The following PHLDB2 variants were observed in gnomAD, a reference collection of about 807,000 sequenced individuals.
PHLDB2 encodes pleckstrin homology-like domain family B member 2.
A neutral mutation model predicts 123.6 loss-of-function variants in PHLDB2; 71 were observed. The observed-to-expected ratio is 0.57, with a 90% CI of 0.47 to 0.70. The LOEUF is 0.70. Ranked by LOEUF, PHLDB2 falls within the 30% of genes least tolerant of loss-of-function variation. The pLI is 0.00. For missense variants in PHLDB2, 1,446 were observed against 1,519.5 expected (o/e 0.95, Z 0.80); for synonymous variants, 547 against 541.6 (o/e 1.01, Z -0.14).
intron 1 of PHLDB2, among the ~76,000 whole-genome samples, chr3:111,819,112 T>G (rs1414554732): frequency 1.3e-5 from 2 of 152,150 alleles, no homozygotes; most frequent in Non-Finnish European, 2.9e-5. Flanking sequence ...TCAGAGAGAA[T>G]GTGTGTGCAA....
chr3:111,884,427 C>G lies in PHLDB2; in HGVS notation c.350C>G (p.Ser117Cys), dbSNP rs374024771. 1.2e-6 allele frequency: 2 copies of G among 1,614,076 alleles called. No individual in the cohort carries two copies. Among genetic ancestry groups the G allele is most frequent in the Non-Finnish European group, 1.7e-6 (2 of 1,180,040 alleles). The change falls in exon 2 of 18, where the codon TCC (serine) becomes TGC (cysteine). Residue 117 changes from serine (S) to cysteine (C), a missense_variant. Ser to Cys is a moderately radical substitution (Grantham distance 112). This residue lies in a region of PHLDB2 where 832 missense variants were observed against 831.9 expected (regional missense o/e 1.00). Coordinates refer to ENST00000431670, the MANE Select transcript of PHLDB2 (RefSeq NM_001134438.2). The stretch of plus-strand genomic sequence containing the variant: ...ACTCCTTTACTCAACACTACATCCT[C>G]CCTCAGTGGATATCCACTTGGAAGA... ...PPTPLLNTTSSLSGYPLGRAD... is the reference protein window; with the variant it reads ...PPTPLLNTTSCLSGYPLGRAD...
intron 1 of PHLDB2, among the ~76,000 whole-genome samples, chr3:111,797,927 T>A (rs2061230481): frequency 6.6e-6 from 1 of 151,998 alleles, no homozygotes; most frequent in Non-Finnish European, 1.5e-5. Context: ...AGCCCATGAG[T>A]TTGAGGCCAG....
At chr3:111,959,734 A>AAAC (rs1169677973) in intron 12 of PHLDB2, among the ~76,000 whole-genome samples, 1 of 152,236 alleles carries the variant, frequency 6.6e-6, no homozygotes, top group Non-Finnish European at 1.5e-5. Flanking sequence ...AGTAGCCGAA[A>AAAC]AACAACAACA....
chr3:111,843,930 GACAAAAAC>G (rs2063812606), intron 1 of PHLDB2, among the ~76,000 whole-genome samples: 1 of 152,058 alleles, frequency 6.6e-6, no homozygotes, highest in Non-Finnish European at 1.5e-5. Flanking sequence ...GTTCTTCATA[GACAAAAAC>G]AATGTATGTA....
chr3:111,921,984 T>C (rs2107534997), intron 5 of PHLDB2, among the ~76,000 whole-genome samples: 1 of 152,352 alleles, frequency 6.6e-6, no homozygotes, highest in African/African-American at 2.4e-5. Flanking sequence ...TGTCTAAGTC[T>C]GCAGTACTGA....
chr3:111,949,169 A>C (rs989601507), intron 10 of PHLDB2, 94 bp downstream of exon 10: 1 of 1,412,752 alleles, frequency 7.1e-7, no homozygotes, highest in Non-Finnish European at 9.7e-7. Context: ...GAGAACGTGC[A>C]TGACAAATGT....
intron 7 of PHLDB2, 109 bp downstream of exon 7, chr3:111,939,739 G>A: frequency 8.8e-7 from 1 of 1,141,196 alleles, no homozygotes; most frequent in Non-Finnish European, 1.2e-6. Context: ...TACGTAGTCT[G>A]CCATGTATGT....
At chr3:111,810,821 C>T (rs1211444563) in intron 1 of PHLDB2, among the ~76,000 whole-genome samples, 1 of 151,792 alleles carries the variant, frequency 6.6e-6, no homozygotes, top group Non-Finnish European at 1.5e-5. Flanking sequence ...ATCCTTTGTC[C>T]AAAATAAATT....
rs762238982 is a variant in PHLDB2 at position 111,973,823 on chromosome 3, C to T, written c.3621+6C>T. Reference sequence around the variant, plus strand: ...ACCTCAAGAATGCTAATAAGGTAAACATCAGTTTTCTAAATTCCTACAATT... The same window carrying T: ...ACCTCAAGAATGCTAATAAGGTAAATATCAGTTTTCTAAATTCCTACAATT... On this transcript the variant is annotated splice_donor_region_variant and intron_variant, in intron 17 of 17. Coordinates refer to ENST00000431670, the MANE Select transcript of PHLDB2 (RefSeq NM_001134438.2). 2.6e-6 allele frequency: 4 copies of T among 1,521,116 alleles called. No homozygotes were observed. The highest frequency in any genetic ancestry group is 1.7e-4 in the Middle Eastern group (1 of 5,824). The allele number at this position is 1,521,116 out of a possible 1,614,324, so 94.2% of individuals were successfully genotyped here. A position where few individuals can be genotyped will look rare whatever the true frequency, so the allele number is the denominator to read the frequency against.
At chr3:111,878,219 T>C (rs2065744695) in intron 1 of PHLDB2, among the ~76,000 whole-genome samples, 1 of 152,240 alleles carries the variant, frequency 6.6e-6, no homozygotes. Flanking sequence ...GCGTCCTCTC[T>C]TATTTCTTTG....
At chr3:111,960,216 T>TA in intron 12 of PHLDB2, 4 of 778,212 alleles carry the variant, frequency 5.1e-6, no homozygotes, top group Non-Finnish European at 6.2e-6. Flanking sequence ...TCGCCTTCCT[T>TA]AAAAAAAGAC....
chr3:111,896,947 G>A (rs998932027), intron 2 of PHLDB2, among the ~76,000 whole-genome samples: 1 of 152,146 alleles, frequency 6.6e-6, no homozygotes, highest in Non-Finnish European at 1.5e-5. Flanking sequence ...GGGATCCTGT[G>A]TATCCTTTAC....
At chr3:111,813,552 C>CT (rs2061940299) in intron 1 of PHLDB2, among the ~76,000 whole-genome samples, 1 of 151,996 alleles carries the variant, frequency 6.6e-6, no homozygotes, top group African/African-American at 2.4e-5. Flanking sequence ...AACTGAAAGT[C>CT]TAAAACAGCG....
At chr3:111,787,006 G>T (rs2060705523) in intron 1 of PHLDB2, among the ~76,000 whole-genome samples, 1 of 152,104 alleles carries the variant, frequency 6.6e-6, no homozygotes, top group Admixed American at 6.5e-5. Context: ...AACTTATTTT[G>T]CATGGGGCGC....
At position 111,885,015 on chromosome 3, in the gene PHLDB2, C is replaced by G. The variant is rs2066088561; in HGVS notation, c.938C>G (p.Pro313Arg). ...NFSSLSSGAL[P>R]YKTSASEGNP... Reference sequence around the variant, plus strand: ...TCTTCTTTGAGCTCAGGGGCTTTACCCTATAAAACCTCTGCTTCTGAAGGC... The same window carrying G: ...TCTTCTTTGAGCTCAGGGGCTTTACGCTATAAAACCTCTGCTTCTGAAGGC... The change falls in exon 2 of 18, where the codon CCC (proline) becomes CGC (arginine). Residue 313 changes from proline (P) to arginine (R), a missense_variant. Pro to Arg is a moderately radical substitution (Grantham distance 103). Around this residue, in one of 3 missense-constraint regions of PHLDB2, gnomAD observed 832 missense variants for 831.9 expected, o/e 1.00. Transcript: ENST00000431670. 2 of 1,614,106 alleles carry G rather than the reference C, an allele frequency of 1.2e-6. No homozygotes were observed. The highest frequency in any genetic ancestry group is 8.5e-7 in the Non-Finnish European group (1 of 1,180,010).
At chr3:111,736,145 G>T (rs912249278) in intron 1 of PHLDB2, among the ~76,000 whole-genome samples, 3 of 152,050 alleles carry the variant, frequency 2.0e-5, no homozygotes, top group African/African-American at 7.2e-5. Flanking sequence ...ATGCACACAT[G>T]CACACACACA....
chr3:111,779,332 G>A (rs1190254551), intron 1 of PHLDB2, among the ~76,000 whole-genome samples: 1 of 151,850 alleles, frequency 6.6e-6, no homozygotes, highest in Non-Finnish European at 1.5e-5. Context: ...CTGAGATTTG[G>A]GGTATGATTG....
At chr3:111,941,205 C>G (rs1320328611) in intron 8 of PHLDB2, among the ~76,000 whole-genome samples, 3 of 152,190 alleles carry the variant, frequency 2.0e-5, no homozygotes, top group Admixed American at 2.0e-4. Context: ...GGTCCAACAC[C>G]TAAAGTGACT....
At chr3:111,829,784 T>G (rs2108463836) in intron 1 of PHLDB2, among the ~76,000 whole-genome samples, 1 of 152,202 alleles carries the variant, frequency 6.6e-6, no homozygotes, top group East Asian at 1.9e-4. Context: ...TTCTAAGAAT[T>G]CTATTTTGTA....
Sources: gnomAD v4.1 joint callset for allele counts (sites outside exome capture counted in the v4.1 genomes callset) on GRCh38, gnomAD v4.1.1 for gene constraint, gnomAD v4.1.1 regional missense constraint, MANE v1.5 for transcripts, NCBI Gene and HGNC (gene_info 2026-07-23, HGNC 2026-07-21) for gene names.